The following GFPT2 variants were observed in gnomAD, a reference collection of about 807,000 sequenced individuals.
GFPT2 encodes the protein glutamine--fructose-6-phosphate aminotransferase [isomerizing] 2.
Under a neutral mutation model 85.6 loss-of-function variants are expected in GFPT2, and 62 were observed. The ratio of observed to expected loss-of-function variants is 0.72; its 90% confidence interval spans 0.59 to 0.90. GFPT2 has a LOEUF of 0.90. Ranked by LOEUF, GFPT2 falls within the 40% of genes least tolerant of loss-of-function variation. GFPT2 has a pLI of 0.00. For synonymous variants in GFPT2, 368 were observed against 344.5 expected (o/e 1.07, Z -0.75); for missense variants, 788 against 893.4 (o/e 0.88, Z 1.50).
Position 180,328,027 on chromosome 5 carries a change from A to AAAAATCTGTGGAGATTTC in GFPT2, c.596+232_596+249dup, listed in dbSNP as rs1764240690. ...TAACTGGAATTTGTTGCCCACCTCT[A>AAAAATCTGTGGAGATTTC]AAAATCTGTGGAGATTTCAAACACA... On this transcript the variant is annotated intron_variant, in intron 7 of 18. Transcript: ENST00000253778. This position sits in a 1 kb window ranked among gnomAD's most constrained non-coding sequence, Gnocchi z 5.4. 6.6e-6 allele frequency among the ~76,000 whole-genome samples: 1 copy of AAAAATCTGTGGAGATTTC among 151,920 alleles called. No individual in the cohort carries two copies. Among genetic ancestry groups the AAAAATCTGTGGAGATTTC allele is most frequent in the African/African-American group, 2.4e-5 (1 of 41,354 alleles).
At chr5:180,316,610 G>A in intron 12 of GFPT2, 149 bp from the exon 13 acceptor site, 5 of 946,100 alleles carry the variant, frequency 5.3e-6, no homozygotes, top group Non-Finnish European at 8.1e-6. Context: ...CCACCTCGAA[G>A]ATAAAAGGGC....
At chr5:180,307,689 C>T (rs1008908894) in intron 15 of GFPT2, among the ~76,000 whole-genome samples, 6 of 152,290 alleles carry the variant, frequency 3.9e-5, no homozygotes, top group African/African-American at 9.6e-5. Context: ...GTGGGACCAC[C>T]GGTTCTCAAA....
At chr5:180,313,740 G>C (rs1289274020) in intron 14 of GFPT2, 67 bp downstream of exon 14, 1 of 1,397,680 alleles carries the variant, frequency 7.2e-7, no homozygotes, top group Non-Finnish European at 9.6e-7. Flanking sequence ...GGCCGGAGGA[G>C]GGCGGCCTCT....
At position 180,304,780 on chromosome 5, in the gene GFPT2, C is replaced by T; in HGVS notation, c.1834G>A (p.Ala612Thr). The T allele has an allele frequency of 6.2e-7, 1 of 1,612,798 alleles. No individual in the cohort carries two copies. Among genetic ancestry groups the T allele is most frequent in the Non-Finnish European group, 8.5e-7 (1 of 1,179,396 alleles). Reference protein sequence around the residue: ...KCQNALQQVTARQGRPIILCS... With the variant: ...KCQNALQQVTTRQGRPIILCS... ...CAGTGGAGAGCCCTCACCTGGCGGGCCGTGACTTGCTGCAGGGCGTTCTGG... is the reference window on the plus strand; with the variant it reads ...CAGTGGAGAGCCCTCACCTGGCGGGTCGTGACTTGCTGCAGGGCGTTCTGG... The change falls in exon 17 of 19, where the codon GCC becomes ACC. Residue 612 changes from alanine to threonine, a missense_variant. Ala to Thr is a moderately conservative substitution (Grantham distance 58). Coordinates refer to ENST00000253778, the MANE Select transcript of GFPT2 (RefSeq NM_005110.4).
rs369164869 is a variant in GFPT2, at chr5:180,301,538, G to A, written c.*26C>T. The A allele has an allele frequency of 5.6e-4, 888 of 1,590,724 alleles. 2 individuals are homozygous for A. The highest frequency in any genetic ancestry group is 7.4e-4 in the Non-Finnish European group (854 of 1,158,750). ...CAGGTCTGGAATCAGATGAAAGGTG[G>A]TGATGGTCTTGTCACGGTCTCAGCC... is the stretch of plus-strand genomic sequence containing the variant. On this transcript the variant is annotated 3_prime_UTR_variant, in exon 19 of 19. Transcript: ENST00000253778.
chr5:180,302,645 AT>A (rs1295358931), intron 17 of GFPT2, 61 bp from the exon 18 acceptor site: 1 of 1,319,836 alleles, frequency 7.6e-7, no homozygotes, highest in African/African-American at 1.4e-5. Flanking sequence ...TCCCTGATGC[AT>A]ACAGAGTATC....
At chr5:180,335,695 G>T (rs974939355) in intron 4 of GFPT2, 133 bp downstream of exon 4, 2 of 933,466 alleles carry the variant, frequency 2.1e-6, no homozygotes, top group Non-Finnish European at 3.2e-6. Flanking sequence ...GGGGACATCC[G>T]CATTCTCTTG....
At chr5:180,338,697 G>T (rs1581387496) in intron 1 of GFPT2, 97 bp from the exon 2 acceptor site, 1 of 698,608 alleles carries the variant, frequency 1.4e-6, no homozygotes. Flanking sequence ...CATCACAAAG[G>T]TCTCCCAGGG....
intron 2 of GFPT2, among the ~76,000 whole-genome samples, chr5:180,336,983 G>T (rs1475328402): frequency 1.3e-5 from 2 of 152,248 alleles, no homozygotes; most frequent in Non-Finnish European, 2.9e-5. Context: ...TATCGGACGT[G>T]CTTCCTATTA....
chr5:180,309,127 C>G (rs1167648379), intron 15 of GFPT2, among the ~76,000 whole-genome samples: 2 of 152,124 alleles, frequency 1.3e-5, no homozygotes, highest in Non-Finnish European at 2.9e-5. Flanking sequence ...CCACCTCGGC[C>G]TCCCAAAGTG....
intron 11 of GFPT2, 38 bp from the exon 12 acceptor site, chr5:180,316,899 C>T (rs1308279743): frequency 1.3e-5 from 20 of 1,566,558 alleles, no homozygotes; most frequent in Non-Finnish European, 1.8e-5. Flanking sequence ...GCTGAGTCTA[C>T]ACAGTCACCG....
chr5:180,317,893 C>T (rs925505774), intron 10 of GFPT2, among the ~76,000 whole-genome samples: 1 of 152,022 alleles, frequency 6.6e-6, no homozygotes, highest in Non-Finnish European at 1.5e-5. Flanking sequence ...TCTGGAGGTA[C>T]CCACAGGCAG....
At chr5:180,308,419 C>A (rs1004656841) in intron 15 of GFPT2, among the ~76,000 whole-genome samples, 1 of 152,186 alleles carries the variant, frequency 6.6e-6, no homozygotes, top group African/African-American at 2.4e-5. Context: ...TTTTTAGTGT[C>A]TGCCTTTTTA....
chr5:180,345,653 G>C (rs540360274), intron 1 of GFPT2, among the ~76,000 whole-genome samples: 4 of 152,332 alleles, frequency 2.6e-5, no homozygotes, highest in African/African-American at 9.6e-5. Flanking sequence ...CTGGAGGATG[G>C]GACCACATCT....
intron 15 of GFPT2, 122 bp downstream of exon 15, chr5:180,312,308 G>T: frequency 1.5e-6 from 1 of 664,450 alleles, no homozygotes; most frequent in Non-Finnish European, 2.7e-6. Context: ...AGTTGGGGAA[G>T]CTAGGAAGTT....
At chr5:180,334,853 C>T (rs1764366432) in intron 4 of GFPT2, among the ~76,000 whole-genome samples, 1 of 152,242 alleles carries the variant, frequency 6.6e-6, no homozygotes, top group South Asian at 2.1e-4. Flanking sequence ...TCCATGCCTA[C>T]TGCATCCCAC....
Position 180,342,519 on chromosome 5 carries a change from C to T in GFPT2, c.8-3919G>A, listed in dbSNP as rs377368593. Among the ~76,000 whole-genome samples, 345 of 151,986 alleles carry T rather than the reference C, an allele frequency of 2.3e-3. 8 individuals are homozygous for T. Among genetic ancestry groups the T allele is most frequent in the Middle Eastern group, 3.4e-3 (1 of 294 alleles). ...CGAACTCCCAGGCCCAAGCTATCCCCACAGCCTTGGCCTCCCAAAGTGCTG... is the reference window on the plus strand; with the variant it reads ...CGAACTCCCAGGCCCAAGCTATCCCTACAGCCTTGGCCTCCCAAAGTGCTG... On this transcript the variant is annotated intron_variant, in intron 1 of 18. Transcript: ENST00000253778.
intron 6 of GFPT2, among the ~76,000 whole-genome samples, chr5:180,329,654 A>T (rs1554134689): frequency 6.6e-6 from 1 of 152,118 alleles, no homozygotes; most frequent in African/African-American, 2.4e-5. Flanking sequence ...TTTAAATCAG[A>T]CTCTGAAAAC....
At chr5:180,344,294 T>A (rs746403123) in intron 1 of GFPT2, among the ~76,000 whole-genome samples, 17 of 152,136 alleles carry the variant, frequency 1.1e-4, no homozygotes, top group Non-Finnish European at 2.2e-4. Context: ...GCCTCTGAGG[T>A]CACTGGATGT....
Sources: gnomAD v4.1 joint callset for allele counts (sites outside exome capture counted in the v4.1 genomes callset) on GRCh38, gnomAD v4.1.1 for gene constraint, Gnocchi (gnomAD v3.1) non-coding constraint, MANE v1.5 for transcripts, NCBI Gene and HGNC (gene_info 2026-07-23, HGNC 2026-07-21) for gene names.